SLC2A9: variants seen among roughly 807,000 people sequenced by gnomAD.
SLC2A9 encodes the protein solute carrier family 2 member 9, also known as solute carrier family 2, facilitated glucose transporter member 9.
Under a neutral mutation model 50.6 loss-of-function variants are expected in SLC2A9, and 39 were observed. The ratio of observed to expected loss-of-function variants is 0.77; its 90% CI spans 0.60 to 1.01. The LOEUF is 1.01. Among genes scored for constraint, SLC2A9 ranks in the 50% least tolerant of loss-of-function variants. The pLI, the probability that SLC2A9 is intolerant of heterozygous loss-of-function variation, is 0.00. For synonymous variants in SLC2A9, 324 were observed against 276.9 expected (o/e 1.17, Z -1.69); for missense variants, 686 against 677.6 (o/e 1.01, Z -0.14).
At chr4:9,870,624 G>T (rs552274513) in intron 10 of SLC2A9, among the ~76,000 whole-genome samples, 1 of 152,348 alleles carries the variant, frequency 6.6e-6, no homozygotes, top group East Asian at 1.9e-4. Context: ...AGTTTCAGGC[G>T]ATAAGCTCAC....
At chr4:9,814,662 G>A (rs964972103) in intron 3 of SLC2A9, among the ~76,000 whole-genome samples, 2 of 152,148 alleles carry the variant, frequency 1.3e-5, no homozygotes, top group African/African-American at 4.8e-5. Context: ...GGAGACACCT[G>A]GACTCTCCCT....
chr4:9,864,578 T>A (rs558144381), intron 10 of SLC2A9, among the ~76,000 whole-genome samples: 1 of 152,354 alleles, frequency 6.6e-6, no homozygotes, highest in Non-Finnish European at 1.5e-5. Flanking sequence ...TGCATCATCT[T>A]CATACTATAG....
At chr4:9,849,954 G>A (rs1016667509) in intron 10 of SLC2A9, among the ~76,000 whole-genome samples, 3 of 151,908 alleles carry the variant, frequency 2.0e-5, no homozygotes, top group Non-Finnish European at 2.9e-5. Context: ...AAGCAAGAGT[G>A]ACTAGATAAA....
intron 10 of SLC2A9, among the ~76,000 whole-genome samples, chr4:9,847,319 G>A (rs147879436): frequency 6.6e-5 from 10 of 152,266 alleles, no homozygotes; most frequent in African/African-American, 1.7e-4. Context: ...AAGTGAAGGC[G>A]GAGATGTCAT....
At chr4:9,948,364 G>C (rs1467494764) in intron 5 of SLC2A9, among the ~76,000 whole-genome samples, 3 of 152,138 alleles carry the variant, frequency 2.0e-5, no homozygotes, top group African/African-American at 7.2e-5. Context: ...TTAGGTGCTG[G>C]GGTTGTTCAA....
At chr4:9,870,413 G>T (rs1034736622) in intron 10 of SLC2A9, among the ~76,000 whole-genome samples, 16 of 152,318 alleles carry the variant, frequency 1.1e-4, no homozygotes, top group African/African-American at 3.8e-4. Flanking sequence ...AGCCTGACAG[G>T]TGTCACTGAT....
intron 2 of SLC2A9, among the ~76,000 whole-genome samples, chr4:10,013,427 G>A (rs776171569): frequency 1.1e-4 from 17 of 152,202 alleles, no homozygotes; most frequent in Non-Finnish European, 2.5e-4. Context: ...GCACATCCAG[G>A]TGACTGTGTT....
In SLC2A9 at chr4:9,920,554, C is replaced by T. The variant is rs912451794; in HGVS notation, c.833G>A (p.Gly278Asp). Residue 278 changes from glycine to aspartate, a missense_variant, in exon 7 of 12, where the codon GGT (glycine) becomes GAT (aspartate). Gly to Asp is a moderately conservative substitution (Grantham distance 94). Coordinates refer to ENST00000264784, the MANE Select transcript of SLC2A9 (RefSeq NM_020041.3). ...RAVKAFQTFL[G>D]KADVSQEVEE... ...TACCTCTTGGGAAACGTCTGCTTTA[C>T]CCAAGAACGTTTGGAAGGCTGCAAA... 24 of 1,614,164 alleles carry T rather than the reference C, an allele frequency of 1.5e-5. No individual in the cohort carries two copies. The highest frequency in any genetic ancestry group is 1.9e-5 in the Non-Finnish European group (23 of 1,180,040).
chr4:9,835,029 C>A, intron 10 of SLC2A9, 21 bp from the exon 11 acceptor site: 5 of 1,612,632 alleles, frequency 3.1e-6, no homozygotes, highest in Non-Finnish European at 3.4e-6. Flanking sequence ...TGAGCCAGGA[C>A]ATGGAATTAA....
At chr4:9,782,566 C>G in intron 3 of SLC2A9, 1 of 1,613,968 alleles carries the variant, frequency 6.2e-7, no homozygotes, top group Non-Finnish European at 8.5e-7. Flanking sequence ...TCCAGCTCAA[C>G]TGGCACAGGG....
At chr4:10,030,046 AC>A (rs1367841446) in intron 1 of SLC2A9, among the ~76,000 whole-genome samples, 3 of 150,622 alleles carry the variant, frequency 2.0e-5, no homozygotes, top group African/African-American at 7.3e-5. Context: ...TAAAATATAT[AC>A]ATAAAAAGAC....
intron 10 of SLC2A9, among the ~76,000 whole-genome samples, chr4:9,843,631 G>A (rs969191110): frequency 3.3e-5 from 5 of 152,144 alleles, no homozygotes; most frequent in Admixed American, 2.0e-4. Flanking sequence ...TTTCTGGCTC[G>A]ACTTTCCTCC....
chr4:9,801,422 G>A (rs191466118), intron 3 of SLC2A9, among the ~76,000 whole-genome samples: 1 of 152,222 alleles, frequency 6.6e-6, no homozygotes, highest in Non-Finnish European at 1.5e-5. Flanking sequence ...CAGAGGAAAA[G>A]CCACTTGAGG....
Position 10,027,687 on chromosome 4 carries a change from G to T in SLC2A9, c.-40-1681C>A, listed in dbSNP as rs369701348. On this transcript the variant is annotated intron_variant, in intron 1 of 12. Transcript: ENST00000309065. ...GGAGCATTGGGGCCGAGTGTCCTTT[G>T]GTAATGGGGGTAGAACTGCCTACCC... 9.2e-5 allele frequency among the ~76,000 whole-genome samples: 14 copies of T among 152,010 alleles called. No homozygotes were observed. In the East Asian group the frequency reaches 2.7e-3, roughly 29 times the overall value.
In SLC2A9 at chr4:9,878,865, T is replaced by TG. The variant is rs564876206; in HGVS notation, c.1291+8701dup. Among the ~76,000 whole-genome samples the TG allele has an allele frequency of 2.6e-3, 390 of 152,142 alleles. 1 individual carries two copies. Among genetic ancestry groups the TG allele is most frequent in the African/African-American group, 8.9e-3 (370 of 41,508 alleles). ...CAGTGTCAGAATTGAGCTGAATTGT[T>TG]GGACACCCAGTTGTTGGTGGAGACA... On this transcript the variant is annotated intron_variant, in intron 10 of 11. Coordinates refer to ENST00000264784, the MANE Select transcript of SLC2A9 (RefSeq NM_020041.3).
intron 6 of SLC2A9, among the ~76,000 whole-genome samples, chr4:9,926,981 T>C (rs577454812): frequency 1.3e-5 from 2 of 151,582 alleles, no homozygotes; most frequent in South Asian, 4.2e-4. Flanking sequence ...CACCTTGACC[T>C]TGGACTTCTG....
chr4:9,790,028 C>T (rs1306524442), intron 3 of SLC2A9, among the ~76,000 whole-genome samples: 1 of 152,142 alleles, frequency 6.6e-6, no homozygotes, highest in Admixed American at 6.5e-5. Flanking sequence ...GACATAGGCA[C>T]CATTGTCCTC....
chr4:9,875,559 C>A (rs989775708), intron 10 of SLC2A9, among the ~76,000 whole-genome samples: 5 of 152,172 alleles, frequency 3.3e-5, no homozygotes, highest in African/African-American at 1.2e-4. Context: ...CCTCTGTGCT[C>A]CCTTAGTACC....
chr4:9,783,077 G>T, intron 3 of SLC2A9: 6 of 1,614,208 alleles, frequency 3.7e-6, no homozygotes, highest in Non-Finnish European at 5.1e-6. Context: ...GTTCGGCTGG[G>T]CTAACTCCTC....
Sources: gnomAD v4.1 joint callset for allele counts (sites outside exome capture counted in the v4.1 genomes callset) on GRCh38, gnomAD v4.1.1 for gene constraint, MANE v1.5 for transcripts, NCBI Gene and HGNC (gene_info 2026-07-23, HGNC 2026-07-21) for gene names.